Variants in TJP1 observed in about 807,000 individuals in gnomAD.
TJP1 encodes the protein tight junction protein ZO-1.
In TJP1, 43 loss-of-function variants were observed where a neutral mutation model predicts 194.2. That is an observed-to-expected ratio of 0.22 (90% CI 0.17 to 0.29). The LOEUF (loss-of-function observed/expected upper bound fraction) is 0.29. TJP1 is among the 10% of genes least tolerant of loss of function. The pLI is 1.00. For missense variants in TJP1, 1,971 were observed against 2,185.7 expected (o/e 0.90, Z 1.96); for synonymous variants, 801 against 779.0 (o/e 1.03, Z -0.47).
chr15:29,831,665 A>G (rs574432316), intron 2 of TJP1, among the ~76,000 whole-genome samples: 10 of 152,346 alleles, frequency 6.6e-5, no homozygotes, highest in Admixed American at 2.0e-4. Flanking sequence ...ACGACATTTT[A>G]AAGACAACTA....
Position 29,761,740 on chromosome 15 carries a change from T to A in TJP1, c.723A>T (p.Ser241=). The stretch of plus-strand genomic sequence containing the variant: ...CTATCAATGTCTTTGCATCTGTCAA[T>A]GACATATTTTCTGTCACAGTACCAT... The part of the protein sequence containing the change: ...KINGTVTENM[S]LTDAKTLIER... Residue 241 remains serine (S), a synonymous_variant, in exon 7 of 28, where the codon TCA becomes TCT. Transcript: ENST00000614355. 6.3e-7 allele frequency: 1 copy of A among 1,581,028 alleles called. No homozygotes were observed. Among genetic ancestry groups the A allele is most frequent in the East Asian group, 2.3e-5 (1 of 44,152 alleles).
intron 2 of TJP1, among the ~76,000 whole-genome samples, chr15:29,947,452 T>A (rs976071237): frequency 4.6e-5 from 7 of 152,230 alleles, no homozygotes; most frequent in Admixed American, 2.0e-4. Flanking sequence ...GCTTCTACTG[T>A]GGCATTAATT....
In TJP1 at chr15:29,822,052, G is replaced by T; in HGVS notation, c.-24C>A. ...ATCTTGTCTCTCTCCAGCGCCGCGC[G>T]AGGCTCCTCGGACCCGAAACTCCGC... is the stretch of plus-strand genomic sequence containing the variant. On this transcript the variant is annotated 5_prime_UTR_variant, in exon 1 of 28. Coordinates refer to ENST00000614355, the MANE Select transcript of TJP1 (RefSeq NM_001330239.4). 6 of 1,300,204 alleles carry T rather than the reference G, an allele frequency of 4.6e-6. No homozygotes were observed. Among genetic ancestry groups the T allele is most frequent in the Non-Finnish European group, 5.9e-6 (6 of 1,023,798 alleles). The allele number at this position is 1,300,204 out of a possible 1,614,324, so 80.5% of individuals were successfully genotyped here.
intron 2 of TJP1, among the ~76,000 whole-genome samples, chr15:29,857,787 G>A (rs1458295782): frequency 6.6e-6 from 1 of 152,036 alleles, no homozygotes; most frequent in Non-Finnish European, 1.5e-5. Context: ...TTGAGATGGA[G>A]TTTCACTCTT....
At chr15:29,704,439 CA>C (rs2041761940) in intron 26 of TJP1, 134 bp from the exon 27 acceptor site, 2 of 1,010,728 alleles carry the variant, frequency 2.0e-6, no homozygotes, top group South Asian at 3.5e-5. Context: ...GCACTGACCA[CA>C]AAAAAACGTA....
intron 1 of TJP1, among the ~76,000 whole-genome samples, chr15:29,966,692 A>G (rs1416635685): frequency 6.6e-6 from 1 of 152,148 alleles, no homozygotes; most frequent in East Asian, 1.9e-4. Flanking sequence ...GGATGAAACA[A>G]ACAAAAGCCC....
chr15:29,796,731 A>T (rs185057794), intron 2 of TJP1, among the ~76,000 whole-genome samples: 107 of 152,322 alleles, frequency 7.0e-4, no homozygotes, highest in Non-Finnish European at 1.4e-3. Context: ...AAATAATTTT[A>T]AAAAGTATTT....
intron 2 of TJP1, among the ~76,000 whole-genome samples, chr15:29,894,389 G>A: frequency 6.6e-6 from 1 of 152,202 alleles, no homozygotes; most frequent in East Asian, 1.9e-4. Flanking sequence ...AATCCTAGAG[G>A]CGGAAGTTGC....
At chr15:29,895,815 A>G (rs542416526) in intron 2 of TJP1, among the ~76,000 whole-genome samples, 4 of 152,348 alleles carry the variant, frequency 2.6e-5, no homozygotes, top group African/African-American at 9.6e-5. Flanking sequence ...TCAGGCTGCC[A>G]TAACAAAATA....
chr15:29,849,108 A>G (rs975255882), intron 2 of TJP1, among the ~76,000 whole-genome samples: 18 of 152,322 alleles, frequency 1.2e-4, no homozygotes, highest in African/African-American at 4.3e-4. Flanking sequence ...ATTTAATTAC[A>G]TTAAAATTAA....
chr15:29,957,042 C>A (rs550523948), intron 1 of TJP1, among the ~76,000 whole-genome samples: 1 of 152,036 alleles, frequency 6.6e-6, no homozygotes, highest in African/African-American at 2.4e-5. Flanking sequence ...CCTAGCACAC[C>A]CAGTACAAGT....
At chr15:29,919,202 C>G (rs1206181663) in intron 2 of TJP1, among the ~76,000 whole-genome samples, 1 of 152,152 alleles carries the variant, frequency 6.6e-6, no homozygotes, top group East Asian at 1.9e-4. Flanking sequence ...AATTCTGTAC[C>G]TAAGCAAATC....
intron 10 of TJP1, among the ~76,000 whole-genome samples, chr15:29,740,221 C>A (rs543256153): frequency 6.6e-6 from 1 of 152,034 alleles, no homozygotes; most frequent in African/African-American, 2.4e-5. Flanking sequence ...GTGATTCGCC[C>A]GCCTCGGCCT....
chr15:29,734,004 C>G (rs1032015430), intron 12 of TJP1, among the ~76,000 whole-genome samples: 6 of 152,240 alleles, frequency 3.9e-5, no homozygotes, highest in African/African-American at 1.4e-4. Context: ...GCTAATAAAT[C>G]AACACTTTCT....
At chr15:29,895,732 G>T (rs1335871453) in intron 2 of TJP1, among the ~76,000 whole-genome samples, 2 of 152,098 alleles carry the variant, frequency 1.3e-5, no homozygotes, top group Non-Finnish European at 2.9e-5. Context: ...CAGTTCCAAA[G>T]CCACCTCCAC....
rs571013896 is a variant in TJP1 at position 29,772,018 on chromosome 15, A to G, written c.312+46T>C. 7 of 1,211,814 alleles carry G rather than the reference A, an allele frequency of 5.8e-6. No individual in the cohort carries two copies. The African/African-American group carries it at 9.2e-5, about 16-fold the overall frequency. The allele number at this position is 1,211,814 out of a possible 1,614,324, so 75.1% of individuals were successfully genotyped here. A position where few individuals can be genotyped will look rare whatever the true frequency, so the allele number is the denominator to read the frequency against. On this transcript the variant is annotated intron_variant, in intron 4 of 27. Transcript: ENST00000614355. ...TTCAAATACCAGAAATGTATCAACA[A>G]TAAAGTTGGGGTACCTTTACTAAAT...
At chr15:29,825,618 A>C (rs541299287), upstream of TJP1, among the ~76,000 whole-genome samples, 1 of 152,338 alleles carries the variant, frequency 6.6e-6, no homozygotes, top group East Asian at 1.9e-4. Flanking sequence ...TTTTAATTGC[A>C]AAAAAGATCC....
intron 1 of TJP1, among the ~76,000 whole-genome samples, chr15:29,805,050 G>T (rs1252773854): frequency 6.6e-6 from 1 of 152,146 alleles, no homozygotes; most frequent in Non-Finnish European, 1.5e-5. Flanking sequence ...CAATGAACAG[G>T]CTACAAATTC....
chr15:29,948,677 C>A (rs2055370226), intron 2 of TJP1, among the ~76,000 whole-genome samples: 1 of 152,076 alleles, frequency 6.6e-6, no homozygotes, highest in Non-Finnish European at 1.5e-5. Flanking sequence ...AGGGGAGATG[C>A]AAAGTATCCC....
Sources: allele counts gnomAD v4.1 joint callset (sites outside exome capture counted in the v4.1 genomes callset), GRCh38; gene constraint gnomAD v4.1.1; transcripts MANE v1.5; gene names NCBI Gene and HGNC (gene_info 2026-07-23, HGNC 2026-07-21).